Variants in FNBP1 observed in about 807,000 individuals in gnomAD.
The protein encoded by FNBP1 is formin-binding protein 1.
FNBP1 carries 26 observed loss-of-function variants against 90.6 expected under a neutral mutation model. That is an observed-to-expected ratio of 0.29 (90% CI 0.21 to 0.40). The LOEUF (loss-of-function observed/expected upper bound fraction) is 0.40. Among genes scored for constraint, FNBP1 ranks in the 10% least tolerant of loss-of-function variants. FNBP1 has a pLI of 1.00. For missense variants in FNBP1, 635 were observed against 768.0 expected, an observed-to-expected ratio of 0.83 and a Z score of 2.05; for synonymous variants, 260 against 265.2, an observed-to-expected ratio of 0.98 and a Z score of 0.19.
chr9:130,027,744 A>G (rs965628283), intron 1 of FNBP1, among the ~76,000 whole-genome samples: 1 of 152,054 alleles, frequency 6.6e-6, no homozygotes, highest in African/African-American at 2.4e-5. Flanking sequence ...GCAGCTAAGT[A>G]TGACTGTTGG....
intron 2 of FNBP1, among the ~76,000 whole-genome samples, chr9:129,988,324 C>G (rs939016409): frequency 6.6e-6 from 1 of 151,338 alleles, no homozygotes; most frequent in Non-Finnish European, 1.5e-5. Flanking sequence ...TCAACCTATA[C>G]TACCTTGAAT....
intron 16 of FNBP1, among the ~76,000 whole-genome samples, chr9:129,891,630 G>A (rs939397935): frequency 2.6e-5 from 4 of 152,156 alleles, no homozygotes; most frequent in African/African-American, 4.8e-5. Context: ...GCAATAAACC[G>A]TGAAAAGCTC....
chr9:129,909,036 C>T (rs748176466), intron 11 of FNBP1, 37 bp from the exon 12 acceptor site: 4 of 1,448,160 alleles, frequency 2.8e-6, no homozygotes, highest in Non-Finnish European at 3.9e-6. Flanking sequence ...CCAGAAAGCC[C>T]CAGGCTTTCC....
At chr9:129,945,119 T>C (rs1470346493) in intron 6 of FNBP1, among the ~76,000 whole-genome samples, 3 of 152,198 alleles carry the variant, frequency 2.0e-5, no homozygotes, top group Non-Finnish European at 2.9e-5. Context: ...ATAATTATGC[T>C]TTTAGGAGTA....
intron 4 of FNBP1, among the ~76,000 whole-genome samples, chr9:129,965,696 A>ACACACACGCG (rs1377972944): frequency 1.1e-5 from 1 of 94,964 alleles, no homozygotes; most frequent in Non-Finnish European, 2.1e-5. Context: ...ACACACACAC[A>ACACACACGCG]CGCGCGCGCG....
intron 15 of FNBP1, 44 bp downstream of exon 15, chr9:129,899,921 T>C: frequency 1.4e-6 from 2 of 1,474,080 alleles, no homozygotes; most frequent in Non-Finnish European, 9.1e-7. Flanking sequence ...TCAGATATTA[T>C]GGTTTATAAA....
At chr9:129,987,128 C>T (rs1398351538) in intron 2 of FNBP1, among the ~76,000 whole-genome samples, 2 of 152,174 alleles carry the variant, frequency 1.3e-5, no homozygotes, top group South Asian at 4.1e-4. Flanking sequence ...CTCCAAAAGA[C>T]GATGCAGCCA....
intron 4 of FNBP1, among the ~76,000 whole-genome samples, chr9:129,960,145 G>C (rs966075617): frequency 6.6e-6 from 1 of 152,016 alleles, no homozygotes; most frequent in Non-Finnish European, 1.5e-5. Context: ...TTGGGAGGCA[G>C]AGGTGGGCGG....
At chr9:129,998,736 A>G (rs1030326787) in intron 1 of FNBP1, among the ~76,000 whole-genome samples, 2 of 152,162 alleles carry the variant, frequency 1.3e-5, no homozygotes, top group African/African-American at 4.8e-5. Flanking sequence ...AGCTTTCGAT[A>G]CCAAAGCCCT....
In FNBP1 at chr9:129,890,284, G is replaced by T. The variant is rs1159862238; in HGVS notation, c.*255C>A. 1.0e-4 allele frequency: 56 copies of T among 538,466 alleles called. No individual in the cohort carries two copies. The highest frequency in any genetic ancestry group is 1.9e-5 in the African/African-American group (1 of 51,704). 33.4% of individuals were successfully genotyped at this position (538,466 alleles called of 1,614,324 possible). The stretch of plus-strand genomic sequence containing the variant: ...ACCGTCTCAGTGGCCTGCGCGGGGT[G>T]GGGAGGGGGAGCGATGAGGACTGAC... On this transcript the variant is annotated 3_prime_UTR_variant, in exon 17 of 17. Transcript: ENST00000446176. The surrounding 1 kb of genome is among the most constrained non-coding windows in gnomAD (Gnocchi z 5.8).
chr9:129,987,604 C>A (rs1052356706), intron 2 of FNBP1, among the ~76,000 whole-genome samples: 3 of 151,674 alleles, frequency 2.0e-5, no homozygotes, highest in African/African-American at 7.3e-5. Flanking sequence ...GCAGTGGCGT[C>A]ATCTTGGCTC....
chr9:129,991,029 G>A (rs1357068468), intron 2 of FNBP1, among the ~76,000 whole-genome samples: 3 of 150,966 alleles, frequency 2.0e-5, no homozygotes, highest in Non-Finnish European at 4.4e-5. Context: ...TGCCTCCTGG[G>A]TTCAAGGGAT....
chr9:130,039,243 A>G (rs2059614297), intron 1 of FNBP1, among the ~76,000 whole-genome samples: 1 of 152,246 alleles, frequency 6.6e-6, no homozygotes, highest in African/African-American at 2.4e-5. Flanking sequence ...AATGTAACTT[A>G]CAACAGATTC....
chr9:130,053,831 G>A, the FNBP1 span: 3 of 1,145,274 alleles, frequency 2.6e-6, no homozygotes, highest in Non-Finnish European at 2.5e-6. Flanking sequence ...AGGGTCAGCG[G>A]AGCTAGCCGC....
At chr9:129,895,098 A>G (rs1259877875) in intron 16 of FNBP1, among the ~76,000 whole-genome samples, 1 of 152,122 alleles carries the variant, frequency 6.6e-6, no homozygotes, top group Non-Finnish European at 1.5e-5. Context: ...AAACCTGTCA[A>G]TTTGATGACA....
intron 1 of FNBP1, among the ~76,000 whole-genome samples, chr9:129,998,054 G>A (rs553633232): frequency 6.6e-6 from 1 of 151,372 alleles, no homozygotes; most frequent in African/African-American, 2.4e-5. Flanking sequence ...AAATTTGCCA[G>A]GCATGGTGGC....
At position 129,888,217 on chromosome 9, in the gene FNBP1, A is replaced by G; in HGVS notation, c.*2322T>C. On this transcript the variant is annotated 3_prime_UTR_variant, in exon 17 of 17. Coordinates refer to ENST00000446176, the MANE Select transcript of FNBP1 (RefSeq NM_015033.3). Reference sequence around the variant, plus strand: ...TATCTTTTCCACTATGTTGCAAGAAATGAATCTATCCTGACCCATAATATG... The same window carrying G: ...TATCTTTTCCACTATGTTGCAAGAAGTGAATCTATCCTGACCCATAATATG... 1 of 232,838 alleles carries G rather than the reference A, an allele frequency of 4.3e-6. No individual in the cohort carries two copies. 14.4% of individuals were successfully genotyped at this position (232,838 alleles called of 1,614,324 possible).
chr9:129,964,846 T>G (rs1248276004), intron 4 of FNBP1, among the ~76,000 whole-genome samples: 1 of 123,728 alleles, frequency 8.1e-6, no homozygotes, highest in East Asian at 2.4e-4. Flanking sequence ...GGCACTGATG[T>G]GAGAACAGCC....
intron 6 of FNBP1, among the ~76,000 whole-genome samples, chr9:129,949,838 C>A (rs1212204896): frequency 6.6e-6 from 1 of 151,712 alleles, no homozygotes; most frequent in Non-Finnish European, 1.5e-5. Context: ...AGGCTTATAC[C>A]CAGGATCCTA....
Sources: allele counts gnomAD v4.1 joint callset (sites outside exome capture counted in the v4.1 genomes callset), GRCh38; gene constraint gnomAD v4.1.1; non-coding constraint Gnocchi (gnomAD v3.1); transcripts MANE v1.5; gene names NCBI Gene and HGNC (gene_info 2026-07-23, HGNC 2026-07-21).